Variants in SORCS2 observed in about 807,000 individuals in gnomAD.
The protein encoded by SORCS2 is VPS10 domain-containing receptor SorCS2.
SORCS2 carries 100 observed loss-of-function variants against 141.6 expected under a neutral mutation model. The ratio of observed to expected loss-of-function variants is 0.71; its 90% CI spans 0.60 to 0.83. The LOEUF (loss-of-function observed/expected upper bound fraction) is 0.83. SORCS2 is among the 40% of genes least tolerant of loss of function. The probability of loss-of-function intolerance (pLI) is 0.00; values close to 1 mark genes in which losing one functional copy is unlikely to be tolerated. For missense variants in SORCS2, 1,646 were observed against 1,560.2 expected (o/e 1.05, Z -0.93); for synonymous variants, 789 against 676.9 (o/e 1.17, Z -2.57).
intron 2 of SORCS2, among the ~76,000 whole-genome samples, chr4:7,509,060 C>T (rs1301915745): frequency 6.6e-6 from 1 of 152,194 alleles, no homozygotes; most frequent in Non-Finnish European, 1.5e-5. Context: ...CATCTGAGTG[C>T]AGACAGCAAA....
intron 3 of SORCS2, among the ~76,000 whole-genome samples, chr4:7,561,728 C>A (rs1714594159): frequency 6.6e-6 from 1 of 152,034 alleles, no homozygotes; most frequent in African/African-American, 2.4e-5. Context: ...TCCATCTATC[C>A]ATCCATCCAC....
At chr4:7,595,036 C>T (rs981358154) in intron 3 of SORCS2, among the ~76,000 whole-genome samples, 1 of 152,168 alleles carries the variant, frequency 6.6e-6, no homozygotes, top group African/African-American at 2.4e-5. Context: ...GATCCAGGCT[C>T]GGTCCCCCAT....
rs1303519933 is a variant in SORCS2, at chr4:7,663,267, T to A, written c.953-1086T>A. Among the ~76,000 whole-genome samples the A allele has an allele frequency of 6.6e-6, 1 of 150,916 alleles. No individual in the cohort carries two copies. The highest frequency in any genetic ancestry group is 1.5e-5 in the Non-Finnish European group (1 of 67,786). ...AGTGAGTGAAGAGTGAATAAGTGAG[T>A]GAGTGAATGAATAAGTGAGTGAGTG... On this transcript the variant is annotated intron_variant, in intron 6 of 26. Transcript: ENST00000507866. This position sits in a 1 kb window ranked among gnomAD's most constrained non-coding sequence, Gnocchi z 4.8.
chr4:7,390,506 G>A (rs1577488727), intron 1 of SORCS2, among the ~76,000 whole-genome samples: 1 of 152,310 alleles, frequency 6.6e-6, no homozygotes, highest in East Asian at 1.9e-4. Context: ...CTCATGCAGG[G>A]CCAGGGTTCA....
intron 2 of SORCS2, among the ~76,000 whole-genome samples, chr4:7,422,755 C>A (rs547563886): frequency 6.6e-6 from 1 of 152,308 alleles, no homozygotes; most frequent in Admixed American, 6.5e-5. Flanking sequence ...GACGCCACAA[C>A]CCAGGTCTCC....
At chr4:7,410,243 C>A (rs548299258) in intron 2 of SORCS2, among the ~76,000 whole-genome samples, 51 of 152,328 alleles carry the variant, frequency 3.3e-4, no homozygotes, top group African/African-American at 1.2e-3. Flanking sequence ...GTAGATAACG[C>A]TGAGAGTTCA....
At chr4:7,307,987 G>A (rs566381263) in intron 1 of SORCS2, among the ~76,000 whole-genome samples, 1 of 152,284 alleles carries the variant, frequency 6.6e-6, no homozygotes, top group African/African-American at 2.4e-5. Flanking sequence ...GCAGGCCTGT[G>A]TGTGTGCACA....
intron 4 of SORCS2, among the ~76,000 whole-genome samples, chr4:7,650,493 C>T (rs1421532845): frequency 3.3e-5 from 5 of 152,196 alleles, no homozygotes; most frequent in African/African-American, 4.8e-5. Context: ...AGCGTTGGAG[C>T]GCACGCAAGG....
chr4:7,605,850 G>A (rs921813645), intron 3 of SORCS2, among the ~76,000 whole-genome samples: 2 of 152,140 alleles, frequency 1.3e-5, no homozygotes, highest in African/African-American at 2.4e-5. Context: ...CACCCCAGCA[G>A]AGGCTGCAGC....
At chr4:7,445,992 T>C (rs76219423) in intron 2 of SORCS2, among the ~76,000 whole-genome samples, 7,708 of 114,080 alleles carry the variant, frequency 0.068, 341 homozygotes, top group African/African-American at 0.13. Flanking sequence ...GCTGCTTTCT[T>C]TCCTTTGTCT....
chr4:7,454,869 T>G (rs1037219716), intron 2 of SORCS2, among the ~76,000 whole-genome samples: 1 of 73,818 alleles, frequency 1.4e-5, no homozygotes, highest in Non-Finnish European at 2.6e-5. Flanking sequence ...TGGGGTCAGG[T>G]GCTGTGTGTT....
intron 1 of SORCS2, among the ~76,000 whole-genome samples, chr4:7,237,977 G>C (rs1403539940): frequency 6.6e-6 from 1 of 152,094 alleles, no homozygotes; most frequent in Non-Finnish European, 1.5e-5. Context: ...GGAGTTCTTG[G>C]GATACCAGTG....
chr4:7,438,892 G>T (rs375142738), intron 2 of SORCS2, among the ~76,000 whole-genome samples: 2 of 151,880 alleles, frequency 1.3e-5, no homozygotes, highest in African/African-American at 4.8e-5. Context: ...ATCATTCATT[G>T]TTTTTGATGC....
chr4:7,419,470 CT>C (rs1417650004), intron 2 of SORCS2, among the ~76,000 whole-genome samples: 2 of 152,154 alleles, frequency 1.3e-5, no homozygotes, highest in Non-Finnish European at 2.9e-5. Flanking sequence ...AGCAATGGGC[CT>C]TGTATTGAAT....
chr4:7,635,054 G>A (rs1319994579), intron 3 of SORCS2, among the ~76,000 whole-genome samples: 1 of 152,208 alleles, frequency 6.6e-6, no homozygotes, highest in Non-Finnish European at 1.5e-5. Flanking sequence ...AAATACTGGT[G>A]GAAGCTGAAC....
At chr4:7,202,318 A>T (rs1727525380) in intron 1 of SORCS2, among the ~76,000 whole-genome samples, 1 of 152,222 alleles carries the variant, frequency 6.6e-6, no homozygotes, top group Non-Finnish European at 1.5e-5. Context: ...TCATTAAAAA[A>T]ATGGAATAGG....
chr4:7,208,783 G>A (rs1368778024), intron 1 of SORCS2, among the ~76,000 whole-genome samples: 1 of 152,222 alleles, frequency 6.6e-6, no homozygotes, highest in African/African-American at 2.4e-5. Context: ...ACCCTGCAGA[G>A]AGCTGCCTCT....
chr4:7,658,162 GGTGA>G (rs1197845095), intron 5 of SORCS2, among the ~76,000 whole-genome samples: 2 of 151,028 alleles, frequency 1.3e-5, no homozygotes, highest in African/African-American at 4.9e-5. Flanking sequence ...TGACTGAGTG[GGTGA>G]GTGAGTGAGT....
Position 7,625,281 on chromosome 4 carries a change from G to A in SORCS2, c.649-13047G>A, listed in dbSNP as rs148729292. Among the ~76,000 whole-genome samples, 168 of 152,274 alleles carry A rather than the reference G, an allele frequency of 1.1e-3. 3 individuals carry two copies. The highest frequency in any genetic ancestry group is 3.7e-3 in the African/African-American group (155 of 41,566). On this transcript the variant is annotated intron_variant, in intron 3 of 26. Transcript: ENST00000507866. ...GCCCTGGTGCAGAGGCTGGACGCCAGCTCCGAGTCAGACAGAGCTGGGTCT... is the reference window on the plus strand; with the variant it reads ...GCCCTGGTGCAGAGGCTGGACGCCAACTCCGAGTCAGACAGAGCTGGGTCT...
Sources: gnomAD v4.1 joint callset for allele counts (sites outside exome capture counted in the v4.1 genomes callset) on GRCh38, gnomAD v4.1.1 for gene constraint, Gnocchi (gnomAD v3.1) non-coding constraint, MANE v1.5 for transcripts, NCBI Gene and HGNC (gene_info 2026-07-23, HGNC 2026-07-21) for gene names.